Variants in TPO observed in about 807,000 individuals in gnomAD.
The protein encoded by TPO is thyroid microsomal antigen.
TPO carries 78 observed loss-of-function variants against 96.9 expected under a neutral mutation model. The observed-to-expected ratio is 0.81, with a 90% confidence interval of 0.67 to 0.97. TPO has a LOEUF of 0.97. TPO is among the 50% of genes least tolerant of loss of function. The probability of loss-of-function intolerance (pLI) is 0.00; values close to 1 mark genes in which losing one functional copy is unlikely to be tolerated. For synonymous variants in TPO, 547 were observed against 538.0 expected (o/e 1.02, Z -0.23); for missense variants, 1,252 against 1,274.8 (o/e 0.98, Z 0.27).
chr2:1,501,023 G>A lies in TPO; in HGVS notation c.2387-2925G>A, dbSNP rs144429386. On this transcript the variant is annotated intron_variant, in intron 13 of 16. Transcript: ENST00000329066. Reference sequence around the variant, plus strand: ...GCATTGCAGTGAGTCTCCTCTGAGTGCCTGGATGCTGCAAATTTCAAATAG... The same window carrying A: ...GCATTGCAGTGAGTCTCCTCTGAGTACCTGGATGCTGCAAATTTCAAATAG... 6.4e-4 allele frequency among the ~76,000 whole-genome samples: 97 copies of A among 151,648 alleles called. 1 individual carries two copies. The East Asian group carries it at 0.018, about 28-fold the overall frequency.
At chr2:1,484,476 A>T in intron 8 of TPO, 120 bp from the exon 9 acceptor site, 1 of 1,309,358 alleles carries the variant, frequency 7.6e-7, no homozygotes, top group Non-Finnish European at 1.1e-6. Flanking sequence ...CCCTTATTAC[A>T]AGACGAGAAG....
At chr2:1,496,560 G>T in intron 12 of TPO, 35 bp from the exon 13 acceptor site, 1 of 1,612,870 alleles carries the variant, frequency 6.2e-7, no homozygotes, top group Non-Finnish European at 8.5e-7. Flanking sequence ...TTTTCTCGTA[G>T]TTTGACTACA....
chr2:1,506,844 G>C (rs1673519263), intron 14 of TPO, among the ~76,000 whole-genome samples: 2 of 152,128 alleles, frequency 1.3e-5, no homozygotes, highest in African/African-American at 2.4e-5. Flanking sequence ...TGCCTGTTCA[G>C]TCTGATAGTA....
intron 7 of TPO, among the ~76,000 whole-genome samples, chr2:1,475,533 C>T (rs887552886): frequency 3.9e-5 from 6 of 152,132 alleles, no homozygotes; most frequent in Admixed American, 2.0e-4. Context: ...ACGCCATTCT[C>T]CTGCCTCAGC....
chr2:1,384,620 A>G (rs1279021497), intron 1 of TPO, among the ~76,000 whole-genome samples: 2 of 152,152 alleles, frequency 1.3e-5, no homozygotes, highest in African/African-American at 4.8e-5. Flanking sequence ...GGCTGAGATG[A>G]TGGGGTTTTC....
intron 8 of TPO, among the ~76,000 whole-genome samples, chr2:1,481,415 G>A (rs548366364): frequency 6.6e-6 from 1 of 152,280 alleles, no homozygotes; most frequent in Non-Finnish European, 1.5e-5. Flanking sequence ...TGGCGTGGAT[G>A]TTTTCTATGC....
intron 15 of TPO, among the ~76,000 whole-genome samples, chr2:1,529,085 C>T (rs1269489389): frequency 1.4e-4 from 18 of 125,742 alleles, no homozygotes; most frequent in African/African-American, 4.6e-4. Flanking sequence ...ATCCCCCCAA[C>T]TGTGTTTAAC....
chr2:1,530,296 G>A (rs1471297547), intron 15 of TPO, among the ~76,000 whole-genome samples: 1 of 108,900 alleles, frequency 9.2e-6, no homozygotes, highest in Non-Finnish European at 1.8e-5. Context: ...CCGCCAGTGT[G>A]AGCAACCTCC....
At chr2:1,460,977 G>A (rs1668373155) in intron 7 of TPO, among the ~76,000 whole-genome samples, 1 of 152,230 alleles carries the variant, frequency 6.6e-6, no homozygotes, top group Non-Finnish European at 1.5e-5. Flanking sequence ...AAGCAGCCTT[G>A]GAAGAAGGAG....
chr2:1,395,189 G>A (rs908816960), intron 1 of TPO, among the ~76,000 whole-genome samples: 4 of 152,064 alleles, frequency 2.6e-5, no homozygotes, highest in Non-Finnish European at 5.9e-5. Flanking sequence ...TCCCAGGTGT[G>A]CCCTTGGAAG....
intron 14 of TPO, chr2:1,513,343 G>A (rs1245433263): frequency 1.3e-5 from 2 of 152,276 alleles, no homozygotes; most frequent in African/African-American, 2.4e-5. Context: ...CCCCTCCTAC[G>A]AGCCCTGGCT....
chr2:1,431,360 G>A (rs1427229339), intron 3 of TPO, among the ~76,000 whole-genome samples: 7 of 152,204 alleles, frequency 4.6e-5, no homozygotes, highest in African/African-American at 1.4e-4. Context: ...CTCCCCAGAA[G>A]CCAAGCAGAT....
intron 8 of TPO, among the ~76,000 whole-genome samples, chr2:1,482,220 C>T (rs374950407): frequency 3.3e-5 from 5 of 152,340 alleles, no homozygotes; most frequent in South Asian, 2.1e-4. Flanking sequence ...CAGGTCTCTT[C>T]GTCCTGGTCT....
intron 14 of TPO, among the ~76,000 whole-genome samples, chr2:1,505,312 A>C (rs1573464834): frequency 3.2e-5 from 4 of 126,514 alleles, no homozygotes; most frequent in African/African-American, 6.3e-5. Context: ...GGCACATCCC[A>C]CTCTCCTGAG....
At chr2:1,377,409 C>T (rs1027545288) in intron 1 of TPO, among the ~76,000 whole-genome samples, 10 of 152,194 alleles carry the variant, frequency 6.6e-5, no homozygotes, top group African/African-American at 2.4e-4. Flanking sequence ...AAGTTAGCCT[C>T]GAGGAGATTC....
chr2:1,500,043 C>T (rs1001047169), intron 13 of TPO, among the ~76,000 whole-genome samples: 7 of 152,312 alleles, frequency 4.6e-5, no homozygotes, highest in East Asian at 3.9e-4. Context: ...GTTAGCAGGG[C>T]GTCTGTTGAC....
chr2:1,413,222 CT>C (rs1248191560), upstream of TPO, among the ~76,000 whole-genome samples: 1 of 152,124 alleles, frequency 6.6e-6, no homozygotes, highest in South Asian at 2.1e-4. Context: ...TTCTTTCTCC[CT>C]GTATAATTTT....
chr2:1,403,298 C>T lies in TPO; in HGVS notation n.180+28896C>T, dbSNP rs560336133. On this transcript the variant is annotated intron_variant and non_coding_transcript_variant, in intron 1 of 5. Coordinates refer to the TPO transcript ENST00000497517. Reference sequence around the variant, plus strand: ...CTGCTGGACACAGGCCATGCCCGGGCAGCCTGGCGATGCTTGGGTCAGTCC... The same window carrying T: ...CTGCTGGACACAGGCCATGCCCGGGTAGCCTGGCGATGCTTGGGTCAGTCC... 4.6e-5 allele frequency among the ~76,000 whole-genome samples: 7 copies of T among 152,310 alleles called. No individual in the cohort carries two copies. The East Asian group carries it at 5.8e-4, about 13-fold the overall frequency.
intron 10 of TPO, among the ~76,000 whole-genome samples, chr2:1,490,682 G>A (rs983589731): frequency 2.0e-5 from 3 of 152,190 alleles, no homozygotes; most frequent in African/African-American, 7.2e-5. Context: ...CCAGCAACTG[G>A]AGGCATCGAT....
Sources: gnomAD v4.1 joint callset for allele counts (sites outside exome capture counted in the v4.1 genomes callset) on GRCh38, gnomAD v4.1.1 for gene constraint, MANE v1.5 for transcripts, NCBI Gene and HGNC (gene_info 2026-07-23, HGNC 2026-07-21) for gene names.